Variants in ARHGAP21 observed in about 807,000 individuals in gnomAD.
ARHGAP21 encodes the protein rho GTPase-activating protein 21.
In ARHGAP21, 38 loss-of-function variants were observed where a neutral mutation model predicts 164.6. The ratio of observed to expected loss-of-function variants is 0.23; its 90% CI spans 0.18 to 0.30. The LOEUF is 0.30. ARHGAP21 is among the 10% of genes least tolerant of loss of function. The pLI, the probability that ARHGAP21 is intolerant of heterozygous loss-of-function variation, is 1.00. For synonymous variants in ARHGAP21, 766 were observed against 857.9 expected, an observed-to-expected ratio of 0.89 and a Z score of 1.87; for missense variants, 1,822 against 2,370.7, an observed-to-expected ratio of 0.77 and a Z score of 4.81.
chr10:24,630,505 T>C (rs1835747964), intron 6 of ARHGAP21, among the ~76,000 whole-genome samples: 1 of 152,220 alleles, frequency 6.6e-6, no homozygotes, highest in African/African-American at 2.4e-5. Flanking sequence ...AAGTAATTTT[T>C]TTTTTAGACT....
chr10:24,613,639 G>A (rs1029086626), intron 9 of ARHGAP21, among the ~76,000 whole-genome samples: 1 of 152,126 alleles, frequency 6.6e-6, no homozygotes, highest in Non-Finnish European at 1.5e-5. Flanking sequence ...CCCTATTCAC[G>A]TTTGCCATGG....
chr10:24,603,867 C>T (rs1394186157), intron 12 of ARHGAP21, among the ~76,000 whole-genome samples: 2 of 151,938 alleles, frequency 1.3e-5, no homozygotes, highest in Non-Finnish European at 2.9e-5. Context: ...GCATGGCAGG[C>T]GCCTGTAATC....
rs1208119416 is a variant in ARHGAP21 at position 24,620,922 on chromosome 10, G to C, written c.973C>G (p.Pro325Ala). ...SRTTSPPLSI[P>A]TTHLIHQPAG... ...GGCTGATGAATTAGATGAGTGGTGG[G>C]AATTGATAATGGTGGTGATGTGGTT... The change falls in exon 9 of 26, where the codon CCC becomes GCC. Residue 325 changes from proline (P) to alanine (A), a missense_variant. Transcript: ENST00000396432. 2.5e-6 allele frequency: 4 copies of C among 1,613,888 alleles called. No homozygotes were observed. Among genetic ancestry groups the C allele is most frequent in the Admixed American group, 1.7e-5 (1 of 60,006 alleles).
At chr10:24,715,038 AAAGAAAAG>A (rs1189899580) in intron 2 of ARHGAP21, among the ~76,000 whole-genome samples, 1 of 149,684 alleles carries the variant, frequency 6.7e-6, no homozygotes, top group African/African-American at 2.5e-5. Flanking sequence ...TCAAAAAAAA[AAAGAAAAG>A]AAAAGAAAAG....
intron 2 of ARHGAP21, among the ~76,000 whole-genome samples, chr10:24,683,675 A>G (rs1210599162): frequency 6.6e-6 from 1 of 152,066 alleles, no homozygotes; most frequent in Non-Finnish European, 1.5e-5. Flanking sequence ...GTAAAGGAAT[A>G]ACTCAGAAAC....
At chr10:24,637,799 A>G (rs1836533602) in intron 4 of ARHGAP21, among the ~76,000 whole-genome samples, 1 of 152,202 alleles carries the variant, frequency 6.6e-6, no homozygotes, top group Admixed American at 6.5e-5. Context: ...ATAGATTAAA[A>G]TAGAGTCCAA....
chr10:24,699,677 G>A (rs892127100), intron 2 of ARHGAP21, among the ~76,000 whole-genome samples: 1 of 151,940 alleles, frequency 6.6e-6, no homozygotes. Flanking sequence ...TATATCCTTC[G>A]GTAAAGAGAA....
chr10:24,645,668 T>C (rs976282549), intron 4 of ARHGAP21, among the ~76,000 whole-genome samples: 1 of 151,944 alleles, frequency 6.6e-6, no homozygotes, highest in African/African-American at 2.4e-5. Context: ...TAAAGGTACA[T>C]GAAATTGTTG....
intron 2 of ARHGAP21, among the ~76,000 whole-genome samples, chr10:24,721,595 G>A (rs930109123): frequency 2.6e-5 from 4 of 152,220 alleles, no homozygotes; most frequent in Non-Finnish European, 4.4e-5. Context: ...GAGAAGGGGT[G>A]ACCAAGATGA....
At chr10:24,623,937 G>T (rs2131232764) in intron 7 of ARHGAP21, among the ~76,000 whole-genome samples, 1 of 152,286 alleles carries the variant, frequency 6.6e-6, no homozygotes, top group East Asian at 1.9e-4. Flanking sequence ...AATTTGGGAA[G>T]AAATATTACT....
rs1009914706 is a variant in ARHGAP21, at chr10:24,597,087, C to G, written c.3335-205G>C. Among the ~76,000 whole-genome samples, 46 of 106,154 alleles carry G rather than the reference C, an allele frequency of 4.3e-4. 1 individual carries two copies. The highest frequency in any genetic ancestry group is 9.0e-4 in the Non-Finnish European group (44 of 48,800). 69.6% of individuals were successfully genotyped at this position (106,154 alleles called of 152,430 possible). On this transcript the variant is annotated intron_variant, in intron 16 of 25. Coordinates refer to ENST00000396432, the MANE Select transcript of ARHGAP21 (RefSeq NM_020824.4). ...ATGCGTGCTATAATTTTCTTTAAAA[C>G]AGCAAAAAAAAAAACTACATAGAAT...
intron 2 of ARHGAP21, among the ~76,000 whole-genome samples, chr10:24,683,897 T>C (rs1260650554): frequency 6.6e-6 from 1 of 152,214 alleles, no homozygotes; most frequent in Non-Finnish European, 1.5e-5. Context: ...GAAACAGTTA[T>C]GGCTTCAGTT....
chr10:24,605,741 G>T (rs1354044341), intron 11 of ARHGAP21: 1 of 152,080 alleles, frequency 6.6e-6, no homozygotes, highest in African/African-American at 2.4e-5. Flanking sequence ...TTGTATCAAT[G>T]AAAATGTACA....
At chr10:24,590,845 A>G in intron 24 of ARHGAP21, 1 of 980,202 alleles carries the variant, frequency 1.0e-6, no homozygotes, top group Non-Finnish European at 1.2e-6. Context: ...CTACTTATAC[A>G]GCCCAGATCA....
intron 3 of ARHGAP21, among the ~76,000 whole-genome samples, chr10:24,668,178 C>T (rs1381391964): frequency 6.6e-6 from 1 of 152,184 alleles, no homozygotes; most frequent in African/African-American, 2.4e-5. Context: ...AACTCAAACC[C>T]AGGCTCTTTT....
At chr10:24,707,627 C>A (rs1844370224) in intron 2 of ARHGAP21, among the ~76,000 whole-genome samples, 1 of 152,204 alleles carries the variant, frequency 6.6e-6, no homozygotes, top group African/African-American at 2.4e-5. Flanking sequence ...CTCCTCTATT[C>A]CCTAATCTGC....
At chr10:24,699,574 C>T (rs1172579682) in intron 2 of ARHGAP21, among the ~76,000 whole-genome samples, 1 of 152,144 alleles carries the variant, frequency 6.6e-6, no homozygotes, top group African/African-American at 2.4e-5. Context: ...ATCGGCTCAC[C>T]TCGGCCTCCC....
chr10:24,665,452 A>G (rs1300717833), intron 4 of ARHGAP21, among the ~76,000 whole-genome samples: 1 of 152,230 alleles, frequency 6.6e-6, no homozygotes, highest in Non-Finnish European at 1.5e-5. Flanking sequence ...TAGTACTATC[A>G]GTACCCATAC....
chr10:24,665,473 G>T lies in ARHGAP21; in HGVS notation c.268+1512C>A, dbSNP rs116964183. ...TATCAGTACCCATACATATAATACAGTGAAGGTCAAAAATATTATGCCTGA... is the reference window on the plus strand; with the variant it reads ...TATCAGTACCCATACATATAATACATTGAAGGTCAAAAATATTATGCCTGA... On this transcript the variant is annotated intron_variant, in intron 4 of 25. Transcript: ENST00000396432. Among the ~76,000 whole-genome samples, 231 of 152,216 alleles carry T rather than the reference G, an allele frequency of 1.5e-3. 1 individual carries two copies. Among genetic ancestry groups the T allele is most frequent in the Middle Eastern group, 0.01 (3 of 294 alleles).
Sources: allele counts gnomAD v4.1 joint callset (sites outside exome capture counted in the v4.1 genomes callset), GRCh38; gene constraint gnomAD v4.1.1; transcripts MANE v1.5; gene names NCBI Gene and HGNC (gene_info 2026-07-23, HGNC 2026-07-21).